Variants in NFS1 observed in about 807,000 individuals in gnomAD.
NFS1 encodes NFS1 cysteine desulfurase, also known as cysteine desulfurase.
In NFS1, 26 loss-of-function variants were observed where a neutral mutation model predicts 57.3. The observed-to-expected ratio is 0.45, with a 90% CI of 0.33 to 0.63. NFS1 has a LOEUF of 0.63. Ranked by LOEUF, NFS1 falls within the 20% of genes least tolerant of loss-of-function variation. The probability of loss-of-function intolerance (pLI) is 0.02; values close to 1 mark genes in which losing one functional copy is unlikely to be tolerated. For missense variants in NFS1, 505 were observed against 605.8 expected, an observed-to-expected ratio of 0.83 and a Z score of 1.75; for synonymous variants, 209 against 216.3, an observed-to-expected ratio of 0.97 and a Z score of 0.30.
chr20:35,672,059 C>G (rs901475550), intron 12 of NFS1, among the ~76,000 whole-genome samples: 11 of 144,294 alleles, frequency 7.6e-5, no homozygotes, highest in African/African-American at 3.0e-4. Context: ...CCCAGGTTCA[C>G]GCCATTCTCC....
In NFS1 at chr20:35,699,178, G is replaced by T. The variant is rs1038047942; in HGVS notation, c.97+14C>A. 2 of 1,397,568 alleles carry T rather than the reference G, an allele frequency of 1.4e-6. 1 individual carries two copies. The highest frequency in any genetic ancestry group is 3.2e-5 in the South Asian group (2 of 63,208). The allele number at this position is 1,397,568 out of a possible 1,614,324, so 86.6% of individuals were successfully genotyped here. On this transcript the variant is annotated intron_variant, in intron 1 of 12. Coordinates refer to ENST00000374092, the MANE Select transcript of NFS1 (RefSeq NM_021100.5). The surrounding 1 kb of genome is among the most constrained non-coding windows in gnomAD (Gnocchi z 4.4). ...ACAGGTCCGCGCCTCCCGGAGAGCGGGACCCGAGCGTACCGCGCAGGCGCA... is the reference window on the plus strand; with the variant it reads ...ACAGGTCCGCGCCTCCCGGAGAGCGTGACCCGAGCGTACCGCGCAGGCGCA...
At chr20:35,694,131 A>G (rs6060562) in intron 4 of NFS1, among the ~76,000 whole-genome samples, 33,189 of 151,050 alleles carry the variant, frequency 0.22, 3,794 homozygotes, top group South Asian at 0.34. Context: ...AGGTGACAGA[A>G]TGAGACCATG....
At chr20:35,682,483 T>C (rs2034864792) in intron 5 of NFS1, among the ~76,000 whole-genome samples, 1 of 152,136 alleles carries the variant, frequency 6.6e-6, no homozygotes, top group South Asian at 2.1e-4. Flanking sequence ...CAAAGACTTA[T>C]GATTAGTGAA....
intron 7 of NFS1, 33 bp from the exon 8 acceptor site, chr20:35,675,235 A>G: frequency 6.4e-7 from 1 of 1,559,804 alleles, no homozygotes; most frequent in Non-Finnish European, 8.7e-7. Flanking sequence ...AAAAACAGAA[A>G]GAGAGAAAAG....
At chr20:35,691,973 G>A (rs541116559) in intron 4 of NFS1, among the ~76,000 whole-genome samples, 2 of 151,178 alleles carry the variant, frequency 1.3e-5, no homozygotes, top group South Asian at 2.1e-4. Flanking sequence ...ACCTAAGGTC[G>A]GGAGTTCAAG....
At chr20:35,685,585 G>T (rs917859881) in intron 5 of NFS1, among the ~76,000 whole-genome samples, 1 of 146,680 alleles carries the variant, frequency 6.8e-6, no homozygotes, top group Non-Finnish European at 1.5e-5. Flanking sequence ...GCAGCCGGGC[G>T]CAGTGGCTCA....
At chr20:35,670,767 GAGT>G (rs2034639798) in intron 12 of NFS1, among the ~76,000 whole-genome samples, 1 of 152,204 alleles carries the variant, frequency 6.6e-6, no homozygotes, top group Non-Finnish European at 1.5e-5. Flanking sequence ...AATGCCTTGT[GAGT>G]ATACCACAGA....
intron 5 of NFS1, among the ~76,000 whole-genome samples, chr20:35,688,800 G>A (rs1425706986): frequency 6.6e-6 from 1 of 151,942 alleles, no homozygotes; most frequent in Admixed American, 6.6e-5. Context: ...AAGGGAGGCA[G>A]GGAGGGAAGA....
At position 35,668,856 on chromosome 20, in the gene NFS1, T is replaced by TA. The variant is rs1378487507; in HGVS notation, c.*765dup. On this transcript the variant is annotated 3_prime_UTR_variant, in exon 13 of 13. Transcript: ENST00000374092. ...TTCAAATAATTCTTAAATGAAGAGATACAAAAGCCCACTGAGTCATTTATG... is the reference window on the plus strand; with the variant it reads ...TTCAAATAATTCTTAAATGAAGAGATAACAAAAGCCCACTGAGTCATTTATG... The TA allele has an allele frequency of 6.6e-6, 1 of 152,148 alleles. No individual in the cohort carries two copies. The highest frequency in any genetic ancestry group is 1.5e-5 in the Non-Finnish European group (1 of 68,032). 9.4% of individuals were successfully genotyped at this position (152,148 alleles called of 1,614,324 possible). A position where few individuals can be genotyped will look rare whatever the true frequency, so the allele number is the denominator to read the frequency against.
At chr20:35,694,474 TAAATA>T (rs1196602327) in intron 4 of NFS1, 2 of 151,962 alleles carry the variant, frequency 1.3e-5, no homozygotes, top group East Asian at 1.9e-4. Context: ...AATAAACACA[TAAATA>T]AAATAAAAGC....
At chr20:35,678,022 T>C (rs2034783754) in intron 7 of NFS1, among the ~76,000 whole-genome samples, 1 of 152,106 alleles carries the variant, frequency 6.6e-6, no homozygotes, top group Admixed American at 6.6e-5. Flanking sequence ...GAGACCAGCC[T>C]GGCCAACATA....
intron 4 of NFS1, among the ~76,000 whole-genome samples, chr20:35,692,758 T>C (rs1358774829): frequency 6.6e-6 from 1 of 151,974 alleles, no homozygotes; most frequent in South Asian, 2.1e-4. Context: ...TCCCAGCACT[T>C]TGGGAGACTG....
chr20:35,697,804 A>C lies in NFS1; in HGVS notation c.208-4T>G. 1 of 1,580,826 alleles carries C rather than the reference A, an allele frequency of 6.3e-7. No homozygotes were observed. The highest frequency in any genetic ancestry group is 1.4e-5 in the African/African-American group (1 of 73,984). Reference sequence around the variant, plus strand: ...TGGCATCAAGCACCCGGGGGTCCTGAACACAACAGAACAGATCATTTTCCT... The same window carrying C: ...TGGCATCAAGCACCCGGGGGTCCTGCACACAACAGAACAGATCATTTTCCT... On this transcript the variant is annotated splice_region_variant and splice_polypyrimidine_tract_variant and intron_variant, in intron 2 of 12. Coordinates refer to ENST00000374092, the MANE Select transcript of NFS1 (RefSeq NM_021100.5).
chr20:35,680,935 G>C, intron 6 of NFS1, 64 bp from the exon 7 acceptor site: 2 of 1,325,820 alleles, frequency 1.5e-6, no homozygotes, highest in Middle Eastern at 2.2e-4. Context: ...GAGTCCCACA[G>C]TGCACTGTGA....
At chr20:35,684,390 A>G (rs1295063182) in intron 5 of NFS1, among the ~76,000 whole-genome samples, 2 of 149,292 alleles carry the variant, frequency 1.3e-5, no homozygotes, top group East Asian at 4.1e-4. Context: ...CCTGGGAGAC[A>G]GAGCAAGACT....
At chr20:35,678,341 C>T (rs561975840) in intron 7 of NFS1, among the ~76,000 whole-genome samples, 2 of 150,522 alleles carry the variant, frequency 1.3e-5, no homozygotes, top group South Asian at 4.2e-4. Flanking sequence ...GGTGACAGAG[C>T]GAGACTCCGT....
chr20:35,683,013 G>C (rs527459664), intron 5 of NFS1, among the ~76,000 whole-genome samples: 38 of 152,092 alleles, frequency 2.5e-4, no homozygotes, highest in South Asian at 4.2e-4. Context: ...GGGAGGCGGA[G>C]CTTGCAGTGA....
At chr20:35,687,648 T>C (rs1341182680) in intron 5 of NFS1, among the ~76,000 whole-genome samples, 1 of 152,194 alleles carries the variant, frequency 6.6e-6, no homozygotes, top group Non-Finnish European at 1.5e-5. Context: ...TTTTCTTTTA[T>C]CTCTGTCTTG....
At chr20:35,671,106 CATTG>C (rs946355244) in intron 12 of NFS1, among the ~76,000 whole-genome samples, 3 of 152,088 alleles carry the variant, frequency 2.0e-5, no homozygotes, top group Admixed American at 6.5e-5. Flanking sequence ...TTTATAAACA[CATTG>C]ATTGATTGAT....
Sources: gnomAD v4.1 joint callset for allele counts (sites outside exome capture counted in the v4.1 genomes callset) on GRCh38, gnomAD v4.1.1 for gene constraint, Gnocchi (gnomAD v3.1) non-coding constraint, MANE v1.5 for transcripts, NCBI Gene and HGNC (gene_info 2026-07-23, HGNC 2026-07-21) for gene names.